Variants in SMCHD1 observed in about 807,000 individuals in gnomAD.
SMCHD1 encodes structural maintenance of chromosomes flexible hinge domain-containing protein 1.
A neutral mutation model predicts 254.7 loss-of-function variants in SMCHD1; 78 were observed. That is an observed-to-expected ratio of 0.31 (90% CI 0.26 to 0.37). The LOEUF is 0.37. Among genes scored for constraint, SMCHD1 ranks in the 10% least tolerant of loss-of-function variants. SMCHD1 has a pLI of 1.00. For synonymous variants in SMCHD1, 766 were observed against 794.9 expected (o/e 0.96, Z 0.61); for missense variants, 1,840 against 2,408.1 (o/e 0.76, Z 4.94).
intron 1 of SMCHD1, 35 bp from the exon 2 acceptor site, chr18:2,666,122 G>T: frequency 1.1e-6 from 1 of 938,780 alleles, no homozygotes. Context: ...TATTTCCTTT[G>T]TGTAATAAGT....
chr18:2,796,699 G>T, intron 47 of SMCHD1, 178 bp downstream of exon 47: 1 of 551,140 alleles, frequency 1.8e-6, no homozygotes, highest in South Asian at 2.4e-5. Flanking sequence ...TTGTGCCTCA[G>T]CCTCCCGAGT....
At chr18:2,746,761 A>G (rs749775427) in intron 29 of SMCHD1, among the ~76,000 whole-genome samples, 5 of 152,132 alleles carry the variant, frequency 3.3e-5, no homozygotes, top group Admixed American at 6.6e-5. Flanking sequence ...GTTGTCCTTT[A>G]GTTCCCTTCC....
chr18:2,660,648 A>G (rs1284553832), intron 1 of SMCHD1, among the ~76,000 whole-genome samples: 2 of 151,768 alleles, frequency 1.3e-5, no homozygotes, highest in Non-Finnish European at 2.9e-5. Flanking sequence ...TAATTTTTGT[A>G]TTTTTAGTAG....
At chr18:2,692,028 G>C (rs2074190930) in intron 7 of SMCHD1, 1 of 152,186 alleles carries the variant, frequency 6.6e-6, no homozygotes, top group South Asian at 2.1e-4. Context: ...CTTCATTTTT[G>C]GCATCCACAT....
intron 17 of SMCHD1, among the ~76,000 whole-genome samples, chr18:2,713,417 T>C (rs550956886): frequency 6.6e-6 from 1 of 152,298 alleles, no homozygotes; most frequent in East Asian, 1.9e-4. Flanking sequence ...CTTTCTCTAT[T>C]GGTACAAGTT....
Position 2,707,662 on chromosome 18 carries a change from T to C in SMCHD1, c.2146+17T>C. ...CCCCTATTGGTATGTTTGTTTATTT[T>C]TCTAATACCAAAAAGTGTGCTTTTC... On this transcript the variant is annotated intron_variant, in intron 16 of 47. Transcript: ENST00000320876. 5.2e-6 allele frequency: 8 copies of C among 1,546,292 alleles called. No individual in the cohort carries two copies. Among genetic ancestry groups the C allele is most frequent in the Non-Finnish European group, 6.2e-6 (7 of 1,128,702 alleles).
intron 7 of SMCHD1, among the ~76,000 whole-genome samples, chr18:2,692,541 T>C (rs2074202812): frequency 6.6e-6 from 1 of 152,214 alleles, no homozygotes; most frequent in Non-Finnish European, 1.5e-5. Flanking sequence ...ATTTTGTCTT[T>C]TATATTATTT....
chr18:2,753,655 C>T (rs1218046472), intron 34 of SMCHD1, among the ~76,000 whole-genome samples: 1 of 152,148 alleles, frequency 6.6e-6, no homozygotes, highest in East Asian at 1.9e-4. Context: ...GAGCCCCCTG[C>T]CTCAGCCTCC....
intron 24 of SMCHD1, among the ~76,000 whole-genome samples, chr18:2,731,894 C>T (rs570782462): frequency 5.9e-5 from 9 of 152,014 alleles, no homozygotes; most frequent in Non-Finnish European, 1.0e-4. Flanking sequence ...GCCTGTAATC[C>T]CAGCTACTCT....
intron 1 of SMCHD1, among the ~76,000 whole-genome samples, chr18:2,664,723 G>T (rs1487607120): frequency 1.3e-5 from 2 of 152,168 alleles, no homozygotes; most frequent in Non-Finnish European, 2.9e-5. Flanking sequence ...AAAATCTTGG[G>T]ATTCACGTGA....
chr18:2,797,445 G>T (rs2076282872), intron 47 of SMCHD1, among the ~76,000 whole-genome samples: 1 of 152,152 alleles, frequency 6.6e-6, no homozygotes, highest in African/African-American at 2.4e-5. Context: ...GAATTCCCTT[G>T]AAACTATGGT....
rs758810493 is a variant in SMCHD1, at chr18:2,770,085, A to G, written c.4943A>G (p.Gln1648Arg). The G allele has an allele frequency of 1.5e-5, 24 of 1,597,802 alleles. No homozygotes were observed. Among genetic ancestry groups the G allele is most frequent in the Non-Finnish European group, 2.0e-5 (23 of 1,176,278 alleles). Residue 1648 changes from glutamine to arginine, a missense_variant, in exon 39 of 48, where the codon CAA (glutamine) becomes CGA (arginine). Transcript: ENST00000320876. ...TATAAAAGTTTATTTGAAGCCAGCC[A>G]ACAGCTTCTTAATGAAATGAAATGT... is the stretch of plus-strand genomic sequence containing the variant. ...VMYKSLFEAS[Q>R]QLLNEMKCQV...
At position 2,667,015 on chromosome 18, in the gene SMCHD1, A is replaced by G. The variant is rs1057519643; in HGVS notation, c.408A>G (p.Glu136=). ...GCATGTATGAATATTATGCCAGTGA[A>G]GGACAAAATCCTTTGCGTAAGTATC... ...KSGMYEYYAS[E]GQNPLPFALA... Residue 136 remains glutamate, a synonymous_variant, in exon 3 of 48, where the codon GAA becomes GAG. Transcript: ENST00000320876. The G allele has an allele frequency of 1.9e-6, 3 of 1,586,316 alleles. No individual in the cohort carries two copies. The highest frequency in any genetic ancestry group is 2.6e-6 in the Non-Finnish European group (3 of 1,164,306).
intron 3 of SMCHD1, among the ~76,000 whole-genome samples, chr18:2,670,930 T>C (rs979269027): frequency 2.1e-5 from 3 of 143,682 alleles, no homozygotes; most frequent in African/African-American, 8.2e-5. Flanking sequence ...ATTGAGTGAA[T>C]CTTTTAATTC....
intron 36 of SMCHD1, among the ~76,000 whole-genome samples, chr18:2,763,350 G>C (rs1358073491): frequency 1.3e-5 from 2 of 152,172 alleles, no homozygotes; most frequent in Non-Finnish European, 2.9e-5. Flanking sequence ...TTTCACATCT[G>C]TAGGTACTAA....
rs768179761 is a variant in SMCHD1, at chr18:2,694,663, A to G, written c.1010A>G (p.Asn337Ser). 2.5e-6 allele frequency: 4 copies of G among 1,612,324 alleles called. No individual in the cohort carries two copies. Among genetic ancestry groups the G allele is most frequent in the African/African-American group, 1.3e-5 (1 of 74,862 alleles). ...VQPEHIQYLK[N>S]YFHLWTRQLA... ...CCAGAACACATACAGTACTTGAAAA[A>G]TTATTTCCACCTTTGGACACGACAG... The change falls in exon 8 of 48, where the codon AAT becomes AGT. Residue 337 changes from asparagine to serine, a missense_variant. Around this residue, in one of 9 missense-constraint regions of SMCHD1, gnomAD observed 498 missense variants for 743.5 expected, o/e 0.67. Coordinates refer to ENST00000320876, the MANE Select transcript of SMCHD1 (RefSeq NM_015295.3).
chr18:2,795,083 G>A (rs908587163), intron 45 of SMCHD1, among the ~76,000 whole-genome samples: 4 of 150,202 alleles, frequency 2.7e-5, no homozygotes, highest in African/African-American at 4.9e-5. Flanking sequence ...TTTTTGAGAC[G>A]GAGTCTCGCT....
At chr18:2,774,550 A>G (rs896259373) in intron 41 of SMCHD1, among the ~76,000 whole-genome samples, 1 of 151,978 alleles carries the variant, frequency 6.6e-6, no homozygotes, top group Non-Finnish European at 1.5e-5. Flanking sequence ...AGCTGGGACT[A>G]CAGTTTCGTG....
At chr18:2,742,256 TTCTG>T (rs1465865708) in intron 28 of SMCHD1, among the ~76,000 whole-genome samples, 2 of 152,206 alleles carry the variant, frequency 1.3e-5, no homozygotes, top group African/African-American at 4.8e-5. Flanking sequence ...TTTTTTCTAC[TTCTG>T]TCTTTCTGTA....
Sources: gnomAD v4.1 joint callset for allele counts (sites outside exome capture counted in the v4.1 genomes callset) on GRCh38, gnomAD v4.1.1 for gene constraint, gnomAD v4.1.1 regional missense constraint, MANE v1.5 for transcripts, NCBI Gene and HGNC (gene_info 2026-07-23, HGNC 2026-07-21) for gene names.